The following ADGRA1 variants were observed in gnomAD, a reference collection of about 807,000 sequenced individuals.
ADGRA1 encodes the protein G-protein coupled receptor 123.
In ADGRA1, 12 loss-of-function variants were observed where a neutral mutation model predicts 21.3. That is an observed-to-expected ratio of 0.56 (90% confidence interval 0.36 to 0.91). The LOEUF (loss-of-function observed/expected upper bound fraction) is 0.91. Among genes scored for constraint, ADGRA1 ranks in the 40% least tolerant of loss-of-function variants. ADGRA1 has a pLI of 0.01. For synonymous variants in ADGRA1, 385 were observed against 368.8 expected (o/e 1.04, Z -0.50); for missense variants, 790 against 805.6 (o/e 0.98, Z 0.23).
chr10:133,113,238 A>G (rs113591763), intron 5 of ADGRA1, among the ~76,000 whole-genome samples: 160 of 128,684 alleles, frequency 1.2e-3, no homozygotes, highest in African/African-American at 4.4e-3. Context: ...CAGTTATTTG[A>G]GGTCTGTAAG....
downstream of ADGRA1, chr10:133,131,675 A>AC (rs1474933641): frequency 6.6e-6 from 1 of 152,652 alleles, no homozygotes; most frequent in Non-Finnish European, 1.5e-5. Flanking sequence ...TTCTATACTG[A>AC]CTTAGCCTCA....
chr10:133,126,187 C>T (rs1343778683), intron 5 of ADGRA1, among the ~76,000 whole-genome samples: 1 of 152,256 alleles, frequency 6.6e-6, no homozygotes, highest in African/African-American at 2.4e-5. Context: ...ACTCTCCCTC[C>T]ACCCTGAAGA....
intron 5 of ADGRA1, among the ~76,000 whole-genome samples, chr10:133,107,043 A>C (rs1851906655): frequency 6.6e-6 from 1 of 152,228 alleles, no homozygotes; most frequent in South Asian, 2.1e-4. Context: ...TCCAGTGTAC[A>C]CATCTTGCAC....
intron 5 of ADGRA1, among the ~76,000 whole-genome samples, chr10:133,121,438 TG>T (rs549242597): frequency 4.1e-4 from 61 of 149,692 alleles, no homozygotes; most frequent in African/African-American, 1.5e-3. Flanking sequence ...TCAGTGTGCG[TG>T]TGTGCGTGTG....
chr10:133,090,618 A>T (rs901589742), intron 2 of ADGRA1, among the ~76,000 whole-genome samples: 5 of 152,150 alleles, frequency 3.3e-5, no homozygotes, highest in African/African-American at 1.2e-4. Context: ...ATACCTGGGC[A>T]GGCTCACCCC....
chr10:133,118,093 A>G (rs1319293105), intron 5 of ADGRA1, among the ~76,000 whole-genome samples: 1 of 152,172 alleles, frequency 6.6e-6, no homozygotes, highest in Non-Finnish European at 1.5e-5. Flanking sequence ...CCCAATCAGC[A>G]CTGGCACCGG....
rs12219529 is a variant in ADGRA1 at position 133,102,862 on chromosome 10, G to C, written c.401+20G>C. Reference sequence around the variant, plus strand: ...GCTCAGGTACTGAGTGCACATGGGCGCGAGGCCCCGCCACCTGGGCCCTGG... The same window carrying C: ...GCTCAGGTACTGAGTGCACATGGGCCCGAGGCCCCGCCACCTGGGCCCTGG... On this transcript the variant is annotated intron_variant, in intron 5 of 6. Coordinates refer to ENST00000392607, the MANE Select transcript of ADGRA1 (RefSeq NM_001083909.3). The C allele has an allele frequency of 6.3e-7, 1 of 1,592,504 alleles. No homozygotes were observed. Among genetic ancestry groups the C allele is most frequent in the Non-Finnish European group, 8.6e-7 (1 of 1,163,964 alleles).
At chr10:133,112,742 TGCGGGCCGC>T (rs1852075715) in intron 5 of ADGRA1, among the ~76,000 whole-genome samples, 11 of 149,218 alleles carry the variant, frequency 7.4e-5, no homozygotes, top group Admixed American at 1.3e-4. Flanking sequence ...ATTTGAGGTC[TGCGGGCCGC>T]GTCGGTTATT....
intron 5 of ADGRA1, among the ~76,000 whole-genome samples, chr10:133,125,485 G>A (rs1401344291): frequency 7.2e-5 from 11 of 152,096 alleles, no homozygotes; most frequent in Admixed American, 3.3e-4. Flanking sequence ...GTGCAGTGGC[G>A]CGATCTCGGC....
At chr10:133,111,240 A>T (rs12414869) in intron 5 of ADGRA1, among the ~76,000 whole-genome samples, 4,005 of 41,360 alleles carry the variant, frequency 0.097, 128 homozygotes, top group East Asian at 0.11. Context: ...TCCTAATCCC[A>T]CCAGACAACC....
intron 5 of ADGRA1, among the ~76,000 whole-genome samples, chr10:133,105,654 C>T (rs1851880528): frequency 6.6e-6 from 1 of 152,244 alleles, no homozygotes; most frequent in Non-Finnish European, 1.5e-5. Flanking sequence ...GATGCCCCAC[C>T]TCGGCTGGGG....
chr10:133,094,110 C>T (rs113900196), intron 2 of ADGRA1, among the ~76,000 whole-genome samples: 1,682 of 152,374 alleles, frequency 0.011, 34 homozygotes, highest in African/African-American at 0.038. Context: ...GCCCTTGCCG[C>T]CTCAGTCCGT....
chr10:133,101,373 A>G lies in ADGRA1; in HGVS notation c.256-1324A>G, dbSNP rs534898035. 4.9e-4 allele frequency among the ~76,000 whole-genome samples: 74 copies of G among 152,348 alleles called. 2 individuals carry two copies. The South Asian group carries it at 0.013, about 26-fold the overall frequency. On this transcript the variant is annotated intron_variant, in intron 4 of 6. Coordinates refer to ENST00000392607, the MANE Select transcript of ADGRA1 (RefSeq NM_001083909.3). The stretch of plus-strand genomic sequence containing the variant: ...GAGCCCCATTCGCATGCTAAGTGAC[A>G]CATTCAACAGAGACAGGCGCTGGCC...
At chr10:133,123,356 G>A (rs566547788) in intron 5 of ADGRA1, among the ~76,000 whole-genome samples, 12 of 152,326 alleles carry the variant, frequency 7.9e-5, no homozygotes, top group South Asian at 2.1e-4. Context: ...CAGCCCGAGC[G>A]GCAGAGACTT....
intron 5 of ADGRA1, among the ~76,000 whole-genome samples, chr10:133,117,323 C>T (rs73399136): frequency 2.6e-5 from 4 of 152,146 alleles, no homozygotes; most frequent in Admixed American, 6.5e-5. Context: ...AGAGCAGGCA[C>T]GCGCCGAAAG....
Position 133,088,904 on chromosome 10 carries a change from G to A in ADGRA1, c.-6G>A. 1 of 1,242,018 alleles carries A rather than the reference G, an allele frequency of 8.1e-7. No homozygotes were observed. Among genetic ancestry groups the A allele is most frequent in the Non-Finnish European group, 1.0e-6 (1 of 990,350 alleles). 76.9% of individuals were successfully genotyped at this position (1,242,018 alleles called of 1,614,324 possible). Reference sequence around the variant, plus strand: ...GCGCTCACGCTTCCGCAACTTTGCAGCGCTCATGGTGAGTACGGGGGTCCC... The same window carrying A: ...GCGCTCACGCTTCCGCAACTTTGCAACGCTCATGGTGAGTACGGGGGTCCC... On this transcript the variant is annotated 5_prime_UTR_variant, in exon 2 of 7. Transcript: ENST00000392607.
chr10:133,089,379 T>C (rs889770527), intron 2 of ADGRA1, among the ~76,000 whole-genome samples: 15 of 152,122 alleles, frequency 9.9e-5, no homozygotes, highest in African/African-American at 3.4e-4. Context: ...GTGGAGGCTG[T>C]GGCGGAGAGA....
At chr10:133,097,901 C>G (rs962353260) in intron 3 of ADGRA1, among the ~76,000 whole-genome samples, 1 of 152,192 alleles carries the variant, frequency 6.6e-6, no homozygotes, top group Non-Finnish European at 1.5e-5. Flanking sequence ...ACTCTGGGGG[C>G]CTCTTTCTCA....
chr10:133,121,373 G>A (rs372411695), intron 5 of ADGRA1, among the ~76,000 whole-genome samples: 9 of 152,204 alleles, frequency 5.9e-5, no homozygotes, highest in South Asian at 2.1e-4. Context: ...GCCAGGGTAC[G>A]TGTGTGCATG....
Sources: allele counts gnomAD v4.1 joint callset (sites outside exome capture counted in the v4.1 genomes callset), GRCh38; gene constraint gnomAD v4.1.1; transcripts MANE v1.5; gene names NCBI Gene and HGNC (gene_info 2026-07-23, HGNC 2026-07-21).